Variants in ASTN2 observed in about 807,000 individuals in gnomAD.
ASTN2 encodes the protein astrotactin-2.
In ASTN2, 54 loss-of-function variants were observed where a neutral mutation model predicts 139.8. That is an observed-to-expected ratio of 0.39 (90% CI 0.31 to 0.48). The LOEUF (loss-of-function observed/expected upper bound fraction) is 0.48, where lower values mean the gene tolerates loss of function less well. Ranked by LOEUF, ASTN2 falls within the 20% of genes least tolerant of loss-of-function variation. ASTN2 has a pLI of 0.95. For synonymous variants in ASTN2, 756 were observed against 719.5 expected (o/e 1.05, Z -0.81); for missense variants, 1,565 against 1,725.1 (o/e 0.91, Z 1.64).
chr9:116,680,556 G>T (rs1323722650), intron 16 of ASTN2, among the ~76,000 whole-genome samples: 2 of 152,140 alleles, frequency 1.3e-5, no homozygotes, highest in Non-Finnish European at 2.9e-5. Context: ...CCAAAGCCGG[G>T]CAGAGACACA....
Position 116,626,113 on chromosome 9 carries a change from G to A in ASTN2, c.3073-5670C>T, listed in dbSNP as rs554818820. 2.7e-5 allele frequency among the ~76,000 whole-genome samples: 4 copies of A among 148,542 alleles called. No individual in the cohort carries two copies. The South Asian group carries it at 8.6e-4, about 32-fold the overall frequency. On this transcript the variant is annotated intron_variant, in intron 17 of 22. Transcript: ENST00000313400. ...TCCTGCCTCAGCCTCCTGAGTAGCT[G>A]GGATTGCAGGCATGTACCACCATGC...
intron 5 of ASTN2, among the ~76,000 whole-genome samples, chr9:117,083,827 C>G (rs535695755): frequency 6.6e-6 from 1 of 152,098 alleles, no homozygotes; most frequent in Non-Finnish European, 1.5e-5. Context: ...CCTTCGATGG[C>G]GGGCTGTCAG....
chr9:116,508,709 G>A (rs1209942792), intron 19 of ASTN2, among the ~76,000 whole-genome samples: 3 of 152,156 alleles, frequency 2.0e-5, no homozygotes, highest in Non-Finnish European at 4.4e-5. Flanking sequence ...AACAGTAAGT[G>A]GAATATGCAG....
intron 10 of ASTN2, among the ~76,000 whole-genome samples, chr9:116,900,761 C>T (rs1251478741): frequency 6.6e-6 from 1 of 152,064 alleles, no homozygotes; most frequent in Non-Finnish European, 1.5e-5. Flanking sequence ...CTCTTTCCTG[C>T]CCCCCTCTTT....
intron 1 of ASTN2, among the ~76,000 whole-genome samples, chr9:117,369,591 A>G (rs564065344): frequency 1.7e-4 from 26 of 152,224 alleles, no homozygotes; most frequent in African/African-American, 6.0e-4. Context: ...TCTGTCTACT[A>G]TCTATTATCT....
At chr9:116,696,952 A>T (rs1411299109) in intron 16 of ASTN2, among the ~76,000 whole-genome samples, 1 of 84,188 alleles carries the variant, frequency 1.2e-5, no homozygotes, top group South Asian at 7.9e-4. Context: ...GACATGATTA[A>T]AAAAAAAAAA....
At chr9:116,653,591 C>T (rs1456516211) in intron 16 of ASTN2, among the ~76,000 whole-genome samples, 2 of 152,208 alleles carry the variant, frequency 1.3e-5, no homozygotes, top group Non-Finnish European at 2.9e-5. Flanking sequence ...CATCTGGCAG[C>T]TTCAACGAAG....
intron 11 of ASTN2, among the ~76,000 whole-genome samples, chr9:116,848,705 A>G (rs1366607351): frequency 2.0e-5 from 3 of 152,038 alleles, no homozygotes; most frequent in Non-Finnish European, 2.9e-5. Context: ...CCACACAATC[A>G]ACACAGAACA....
chr9:116,548,967 CAA>C (rs1852222406), intron 19 of ASTN2, among the ~76,000 whole-genome samples: 2 of 152,030 alleles, frequency 1.3e-5, no homozygotes, highest in Admixed American at 6.6e-5. Context: ...AGGATTCTAT[CAA>C]AGAGATAAAG....
At chr9:116,757,910 T>C (rs889087553) in intron 13 of ASTN2, among the ~76,000 whole-genome samples, 4 of 152,056 alleles carry the variant, frequency 2.6e-5, no homozygotes, top group Non-Finnish European at 5.9e-5. Flanking sequence ...AAATGAGATA[T>C]AGTACATAGA....
At chr9:116,490,969 G>C (rs1849501690) in intron 19 of ASTN2, among the ~76,000 whole-genome samples, 1 of 152,184 alleles carries the variant, frequency 6.6e-6, no homozygotes, top group Non-Finnish European at 1.5e-5. Context: ...TTTCCAGATA[G>C]TTCCATGAAT....
At chr9:117,031,454 C>T (rs1353077010) in intron 6 of ASTN2, among the ~76,000 whole-genome samples, 1 of 152,054 alleles carries the variant, frequency 6.6e-6, no homozygotes, top group Non-Finnish European at 1.5e-5. Context: ...CAGTGAAAGC[C>T]TTTTAGCGGG....
intron 20 of ASTN2, among the ~76,000 whole-genome samples, chr9:116,460,158 T>C (rs973690526): frequency 6.6e-6 from 1 of 152,128 alleles, no homozygotes; most frequent in African/African-American, 2.4e-5. Flanking sequence ...ACAAAGGACA[T>C]ATATTGCATG....
At chr9:117,209,715 A>C (rs1832057478) in intron 3 of ASTN2, among the ~76,000 whole-genome samples, 1 of 152,134 alleles carries the variant, frequency 6.6e-6, no homozygotes, top group South Asian at 2.1e-4. Flanking sequence ...TGTGATAGAC[A>C]ATTACATAAT....
intron 19 of ASTN2, among the ~76,000 whole-genome samples, chr9:116,601,609 T>C (rs758402938): frequency 2.8e-4 from 43 of 152,180 alleles, no homozygotes; most frequent in Admixed American, 1.5e-3. Flanking sequence ...AGCTTGGTTA[T>C]AAATTGAACA....
At chr9:116,516,289 A>G (rs1850645803) in intron 19 of ASTN2, among the ~76,000 whole-genome samples, 1 of 152,196 alleles carries the variant, frequency 6.6e-6, no homozygotes, top group Non-Finnish European at 1.5e-5. Context: ...AGAGAGCACA[A>G]AATGGGTCTT....
Position 116,833,582 on chromosome 9 carries a change from G to C in ASTN2, c.2041-12799C>G, listed in dbSNP as rs556880861. On this transcript the variant is annotated intron_variant, in intron 11 of 22. Transcript: ENST00000313400. ...ATGTTAAAAGAAAAGGATGAATCAT[G>C]ACTTCAGCTGTGTCCCCCACACAAC... Among the ~76,000 whole-genome samples, 11 of 152,128 alleles carry C rather than the reference G, an allele frequency of 7.2e-5. No homozygotes were observed. In the East Asian group the frequency reaches 1.9e-3, roughly 27 times the overall value.
chr9:117,247,995 C>T (rs552689364), intron 2 of ASTN2, among the ~76,000 whole-genome samples: 1 of 152,194 alleles, frequency 6.6e-6, no homozygotes, highest in South Asian at 2.1e-4. Context: ...TATTCTTAGC[C>T]TCCAACAGAC....
chr9:117,189,931 G>A lies in ASTN2; in HGVS notation c.1015+24427C>T, dbSNP rs927248979. Reference sequence around the variant, plus strand: ...TCTAGAAAGTCTTAAAGATCCTAAGGCCTCCCGCTCTTGCTACACAAAATA... The same window carrying A: ...TCTAGAAAGTCTTAAAGATCCTAAGACCTCCCGCTCTTGCTACACAAAATA... On this transcript the variant is annotated intron_variant, in intron 3 of 22. Transcript: ENST00000313400. Among the ~76,000 whole-genome samples, 18 of 152,110 alleles carry A rather than the reference G, an allele frequency of 1.2e-4. 1 individual carries two copies. Among genetic ancestry groups the A allele is most frequent in the African/African-American group, 3.9e-4 (16 of 41,408 alleles).
Sources: allele counts gnomAD v4.1 joint callset (sites outside exome capture counted in the v4.1 genomes callset), GRCh38; gene constraint gnomAD v4.1.1; transcripts MANE v1.5; gene names NCBI Gene and HGNC (gene_info 2026-07-23, HGNC 2026-07-21).